SUPT16H: variants seen among roughly 807,000 people sequenced by gnomAD.
The protein encoded by SUPT16H is SPT16 homolog, facilitates chromatin remodeling subunit.
Under a neutral mutation model 136.2 loss-of-function variants are expected in SUPT16H, and 24 were observed. That is an observed-to-expected ratio of 0.18 (90% CI 0.13 to 0.25). The LOEUF (loss-of-function observed/expected upper bound fraction) is 0.25. Among genes scored for constraint, SUPT16H ranks in the 10% least tolerant of loss-of-function variants. The probability of loss-of-function intolerance (pLI) is 1.00; values close to 1 mark genes in which losing one functional copy is unlikely to be tolerated. For missense variants in SUPT16H, 623 were observed against 1,270.2 expected (o/e 0.49, Z 7.74); for synonymous variants, 415 against 428.2 (o/e 0.97, Z 0.38).
rs910560647 is a variant in SUPT16H, at chr14:21,351,948, T to C, written c.*725A>G. On this transcript the variant is annotated 3_prime_UTR_variant, in exon 26 of 26. Coordinates refer to ENST00000216297, the MANE Select transcript of SUPT16H (RefSeq NM_007192.4). ...GAGGCACAACCTGATATATCTTCCT[T>C]AGATATATGAGAAAAAAAAGAAGAC... The C allele has an allele frequency of 6.6e-6, 1 of 152,628 alleles. No individual in the cohort carries two copies. Among genetic ancestry groups the C allele is most frequent in the Non-Finnish European group, 1.5e-5 (1 of 68,282 alleles). 9.5% of individuals were successfully genotyped at this position (152,628 alleles called of 1,614,324 possible).
At chr14:21,377,846 G>C (rs1886936939) in intron 1 of SUPT16H, among the ~76,000 whole-genome samples, 1 of 152,134 alleles carries the variant, frequency 6.6e-6, no homozygotes, top group African/African-American at 2.4e-5. Flanking sequence ...GTAGTCTTGA[G>C]CTCCTGGCCT....
rs2139389788 is a variant in SUPT16H at position 21,351,530 on chromosome 14, A to G, written c.*1143T>C. 9.1e-6 allele frequency: 2 copies of G among 218,736 alleles called. No homozygotes were observed. Among genetic ancestry groups the G allele is most frequent in the South Asian group, 2.3e-4 (2 of 8,674 alleles). 13.5% of individuals were successfully genotyped at this position (218,736 alleles called of 1,614,324 possible). ...AGTTTATTCATCTTTTAGTTCTTCC[A>G]AAATTGAAAATATCAAGTCCTACTG... On this transcript the variant is annotated 3_prime_UTR_variant, in exon 26 of 26. Coordinates refer to ENST00000216297, the MANE Select transcript of SUPT16H (RefSeq NM_007192.4).
At position 21,351,828 on chromosome 14, in the gene SUPT16H, C is replaced by T. The variant is rs1181037849; in HGVS notation, c.*845G>A. 3.9e-5 allele frequency: 6 copies of T among 152,926 alleles called. No individual in the cohort carries two copies. Among genetic ancestry groups the T allele is most frequent in the African/African-American group, 1.4e-4 (6 of 41,466 alleles). The allele number at this position is 152,926 out of a possible 1,614,324, so 9.5% of individuals were successfully genotyped here. Reference sequence around the variant, plus strand: ...CTCCCTTCCTCTTCTCTTTTCTCATCAGGGTATTCTAGGCCCAAGGCATGA... The same window carrying T: ...CTCCCTTCCTCTTCTCTTTTCTCATTAGGGTATTCTAGGCCCAAGGCATGA... On this transcript the variant is annotated 3_prime_UTR_variant, in exon 26 of 26. Transcript: ENST00000216297.
intron 3 of SUPT16H, among the ~76,000 whole-genome samples, chr14:21,370,965 T>C (rs2139412210): frequency 6.6e-6 from 1 of 152,090 alleles, no homozygotes; most frequent in East Asian, 1.9e-4. Context: ...TTAGTAGAGA[T>C]GGGGTTTTGT....
intron 1 of SUPT16H, among the ~76,000 whole-genome samples, chr14:21,379,723 T>A (rs1390941555): frequency 6.6e-6 from 1 of 151,646 alleles, no homozygotes; most frequent in Non-Finnish European, 1.5e-5. Context: ...ACAATAATAA[T>A]AATAATAAAA....
intron 5 of SUPT16H, 37 bp downstream of exon 5, chr14:21,369,713 A>C: frequency 6.2e-7 from 1 of 1,612,018 alleles, no homozygotes; most frequent in Non-Finnish European, 8.5e-7. Context: ...TTACTGCTTC[A>C]TTAAAACAGT....
At chr14:21,356,448 T>G (rs922535636) in intron 22 of SUPT16H, among the ~76,000 whole-genome samples, 3 of 152,180 alleles carry the variant, frequency 2.0e-5, no homozygotes, top group Non-Finnish European at 2.9e-5. Flanking sequence ...TAAGGCCAAT[T>G]ACTTGGAAGT....
At chr14:21,373,685 C>T (rs906431137) in intron 1 of SUPT16H, among the ~76,000 whole-genome samples, 4 of 152,172 alleles carry the variant, frequency 2.6e-5, no homozygotes, top group African/African-American at 9.6e-5. Context: ...AGATCAGTGA[C>T]AAACGTCCTG....
chr14:21,368,883 G>C (rs1886728110), intron 6 of SUPT16H, among the ~76,000 whole-genome samples: 1 of 152,158 alleles, frequency 6.6e-6, no homozygotes, highest in African/African-American at 2.4e-5. Flanking sequence ...CATGGAGATA[G>C]GGAAAAAATA....
In SUPT16H at chr14:21,353,887, A is replaced by T; in HGVS notation, c.2791-55T>A. On this transcript the variant is annotated intron_variant, in intron 23 of 25. Transcript: ENST00000216297. ...TTTTTGACATTTACCTTATTAACTT[A>T]ATGAATTAATTCAGCCCACATAGTA... 2.6e-6 allele frequency: 4 copies of T among 1,541,874 alleles called. No individual in the cohort carries two copies. In the South Asian group the frequency reaches 4.9e-5, roughly 19 times the overall value.
rs1473190935 is a variant in SUPT16H, at chr14:21,373,419, A to G, written c.78T>C (p.Asp26=). 2.5e-6 allele frequency: 4 copies of G among 1,608,994 alleles called. No homozygotes were observed. In the African/African-American group the frequency reaches 4.0e-5, roughly 16 times the overall value. Residue 26 remains aspartate, a synonymous_variant, in exon 2 of 26, where the codon GAT becomes GAC. Coordinates refer to ENST00000216297, the MANE Select transcript of SUPT16H (RefSeq NM_007192.4). ...CAATGGCATCAACGTTGGCATACTC[A>G]TCTTCTCCTTTCTGAAAAGAGTGGG... The part of the protein sequence containing the change: ...RLYSNWRKGE[D]EYANVDAIVV...
chr14:21,381,527 C>T (rs1887023675), intron 1 of SUPT16H, among the ~76,000 whole-genome samples: 1 of 151,614 alleles, frequency 6.6e-6, no homozygotes, highest in South Asian at 2.1e-4. Flanking sequence ...GGGTTTGGAG[C>T]CCAAATCATT....
At position 21,361,055 on chromosome 14, in the gene SUPT16H, G is replaced by GT. The variant is rs1378187033; in HGVS notation, c.1929+22dup. 1.9e-6 allele frequency: 3 copies of GT among 1,612,252 alleles called. No homozygotes were observed. The Admixed American group carries it at 5.0e-5, about 27-fold the overall frequency. The stretch of plus-strand genomic sequence containing the variant: ...TACATGTCCTTCTTTGTGTAAGAAT[G>GT]TTTTGCCTGTGTTCAGGCTCACCTC... On this transcript the variant is annotated intron_variant, in intron 16 of 25. Transcript: ENST00000216297.
intron 2 of SUPT16H, chr14:21,372,632 T>C: frequency 2.3e-6 from 1 of 432,234 alleles, no homozygotes. Context: ...CCTGGAGTTC[T>C]AGAAGCCATT....
At chr14:21,370,104 A>T (rs529469817) in intron 4 of SUPT16H, among the ~76,000 whole-genome samples, 1 of 152,340 alleles carries the variant, frequency 6.6e-6, no homozygotes, top group East Asian at 1.9e-4. Flanking sequence ...AAGAGGTGTT[A>T]AGCTAATGTA....
At chr14:21,367,637 C>T (rs139240915) in intron 7 of SUPT16H, among the ~76,000 whole-genome samples, 4 of 152,246 alleles carry the variant, frequency 2.6e-5, no homozygotes, top group African/African-American at 9.6e-5. Flanking sequence ...AGTATATATC[C>T]TGTAGGTAGA....
chr14:21,375,178 A>G (rs779506879), intron 1 of SUPT16H, among the ~76,000 whole-genome samples: 2 of 151,718 alleles, frequency 1.3e-5, no homozygotes, highest in African/African-American at 2.4e-5. Flanking sequence ...ACGCCCAGCT[A>G]ATTTTTATAT....
intron 1 of SUPT16H, among the ~76,000 whole-genome samples, chr14:21,379,204 G>A (rs1006772615): frequency 2.0e-5 from 3 of 152,088 alleles, no homozygotes; most frequent in African/African-American, 7.2e-5. Flanking sequence ...GGGAGGCTGG[G>A]GTGGGTGGAT....
chr14:21,377,940 C>T (rs780379159), intron 1 of SUPT16H, among the ~76,000 whole-genome samples: 7 of 152,036 alleles, frequency 4.6e-5, no homozygotes, highest in Non-Finnish European at 1.0e-4. Flanking sequence ...TCTTTTCTTA[C>T]GAAGTTCTTA....
Sources: allele counts gnomAD v4.1 joint callset (sites outside exome capture counted in the v4.1 genomes callset), GRCh38; gene constraint gnomAD v4.1.1; transcripts MANE v1.5; gene names NCBI Gene and HGNC (gene_info 2026-07-23, HGNC 2026-07-21).